The following ABCC3 variants were observed in gnomAD, a reference collection of about 807,000 sequenced individuals.
The protein encoded by ABCC3 is ATP binding cassette subfamily C member 3.
ABCC3 carries 121 observed loss-of-function variants against 165.3 expected under a neutral mutation model. The observed-to-expected ratio is 0.73, with a 90% CI of 0.63 to 0.85. ABCC3 has a LOEUF of 0.85. Ranked by LOEUF, ABCC3 falls within the 40% of genes least tolerant of loss-of-function variation. ABCC3 has a pLI of 0.00. For synonymous variants in ABCC3, 733 were observed against 810.1 expected, an observed-to-expected ratio of 0.90 and a Z score of 1.62; for missense variants, 1,869 against 1,964.1, an observed-to-expected ratio of 0.95 and a Z score of 0.92.
intron 11 of ABCC3, among the ~76,000 whole-genome samples, 198 bp downstream of exon 11, chr17:50,665,443 A>G (rs898557841): frequency 6.6e-6 from 1 of 152,168 alleles, no homozygotes; most frequent in Non-Finnish European, 1.5e-5. Flanking sequence ...TTTGTAGCAG[A>G]AGACCAACGC....
In ABCC3 at chr17:50,669,343, T is replaced by G. The variant is rs755377281; in HGVS notation, c.2065-9T>G. 1 of 1,614,210 alleles carries G rather than the reference T, an allele frequency of 6.2e-7. No homozygotes were observed. Among genetic ancestry groups the G allele is most frequent in the Admixed American group, 1.7e-5 (1 of 60,022 alleles). The stretch of plus-strand genomic sequence containing the variant: ...GGCAAGCCCCGAGGTAAATTTCTCC[T>G]GTGGCCAGGGCTCCGTGGCCTATGT... On this transcript the variant is annotated splice_polypyrimidine_tract_variant and intron_variant, in intron 16 of 30. Transcript: ENST00000285238.
chr17:50,676,504 C>T lies in ABCC3; in HGVS notation c.3294C>T (p.Ile1098=), dbSNP rs1401506823. ...LMLLNSFFNA[I]STLVVIMAST... ...TGCTCAATTCCTTCTTCAACGCCAT[C>T]TCCACTCTTGTGGTCATCATGGCCA... The change falls in exon 23 of 31, where the codon ATC becomes ATT. Residue 1098 remains isoleucine, a synonymous_variant. Coordinates refer to ENST00000285238, the MANE Select transcript of ABCC3 (RefSeq NM_003786.4). 6.2e-7 allele frequency: 1 copy of T among 1,613,574 alleles called. No homozygotes were observed. Among genetic ancestry groups the T allele is most frequent in the African/African-American group, 1.3e-5 (1 of 74,712 alleles).
chr17:50,653,888 T>A (rs1160188442), intron 1 of ABCC3, among the ~76,000 whole-genome samples: 1 of 152,236 alleles, frequency 6.6e-6, no homozygotes, highest in Admixed American at 6.5e-5. Flanking sequence ...ATTTGCTTTA[T>A]CTGGACAGGT....
At chr17:50,674,500 A>G (rs1389170336) in intron 19 of ABCC3, 4 of 152,202 alleles carry the variant, frequency 2.6e-5, no homozygotes, top group Non-Finnish European at 5.9e-5. Flanking sequence ...ACCAAAATTT[A>G]TTGGACAATC....
At chr17:50,668,615 T>G (rs1194632690) in intron 14 of ABCC3, 98 bp downstream of exon 14, 2 of 1,017,556 alleles carry the variant, frequency 2.0e-6, no homozygotes, top group African/African-American at 3.2e-5. Flanking sequence ...CCCCTTTTCT[T>G]CTTCCTCTGT....
Position 50,669,498 on chromosome 17 carries a change from T to C in ABCC3, c.2211T>C (p.Pro737=). ...TGCTAGCTGACCTGGAGATGCTGCC[T>C]GGTGGGGATCAGACAGAGATTGGAG... ...CALLADLEML[P]GGDQTEIGEK... is the part of the protein sequence containing the mutation. The change falls in exon 17 of 31, where the codon CCT becomes CCC. Residue 737 remains proline, a synonymous_variant. Coordinates refer to ENST00000285238, the MANE Select transcript of ABCC3 (RefSeq NM_003786.4). 6.2e-7 allele frequency: 1 copy of C among 1,614,186 alleles called. No individual in the cohort carries two copies. The highest frequency in any genetic ancestry group is 8.5e-7 in the Non-Finnish European group (1 of 1,180,022).
At chr17:50,685,027 G>A in intron 29 of ABCC3, 152 bp downstream of exon 29, 1 of 900,166 alleles carries the variant, frequency 1.1e-6, no homozygotes, top group Non-Finnish European at 1.6e-6. Context: ...CCGTGTGCCA[G>A]GCATGGTGTA....
intron 10 of ABCC3, 40 bp downstream of exon 10, chr17:50,664,151 A>G: frequency 6.2e-7 from 1 of 1,609,696 alleles, no homozygotes; most frequent in Non-Finnish European, 8.5e-7. Context: ...TTCCTCTGAC[A>G]TGCTGCAGAA....
intron 30 of ABCC3, among the ~76,000 whole-genome samples, chr17:50,690,071 G>A (rs889629718): frequency 6.6e-6 from 1 of 152,194 alleles, no homozygotes; most frequent in Non-Finnish European, 1.5e-5. Flanking sequence ...AGGCCTGAAA[G>A]AATGAGTAAG....
intron 1 of ABCC3, among the ~76,000 whole-genome samples, chr17:50,644,333 G>C (rs1483701730): frequency 4.1e-5 from 4 of 97,130 alleles, no homozygotes; most frequent in African/African-American, 1.1e-4. Context: ...AAAAAAAAAA[G>C]GAAGAAGGGA....
rs535983079 is a variant in ABCC3, at chr17:50,639,662, AGTT to A, written c.45+4685_45+4687del. Among the ~76,000 whole-genome samples the A allele has an allele frequency of 3.6e-3, 551 of 151,854 alleles. 5 individuals are homozygous for A. The highest frequency in any genetic ancestry group is 6.3e-3 in the Non-Finnish European group (425 of 67,974). On this transcript the variant is annotated intron_variant, in intron 1 of 30. Transcript: ENST00000285238. ...TGGGCCCCTCCCCTTCCCGAACTGA[AGTT>A]GTTTCTGTTTCTGGTACTGCGGTGC...
At chr17:50,654,723 G>A (rs746392778) in intron 1 of ABCC3, among the ~76,000 whole-genome samples, 6 of 152,146 alleles carry the variant, frequency 3.9e-5, no homozygotes, top group South Asian at 2.1e-4. Flanking sequence ...TCCCTGACCC[G>A]GGAAAGGCCT....
chr17:50,671,390 T>G (rs1317624848), intron 17 of ABCC3, among the ~76,000 whole-genome samples: 1 of 152,208 alleles, frequency 6.6e-6, no homozygotes, highest in African/African-American at 2.4e-5. Context: ...TTGTGCCTAT[T>G]AAGCAACTCC....
chr17:50,664,297 A>G, intron 10 of ABCC3, 186 bp downstream of exon 10: 1 of 689,968 alleles, frequency 1.4e-6, no homozygotes, highest in South Asian at 1.9e-5. Context: ...GCCTGCGAAT[A>G]GCCACCACAC....
At chr17:50,672,234 C>T (rs1217327407) in intron 17 of ABCC3, among the ~76,000 whole-genome samples, 1 of 152,172 alleles carries the variant, frequency 6.6e-6, no homozygotes, top group East Asian at 1.9e-4. Flanking sequence ...TCAACCATAT[C>T]ACCTAGGTAC....
rs748341000 is a variant in ABCC3 at position 50,663,993 on chromosome 17, GGGAAATTGTCAACCTCATGTCAGT to G, written c.1224_1247del (p.Glu408_Val415del). The G allele has an allele frequency of 1.6e-5, 26 of 1,614,062 alleles. No individual in the cohort carries two copies. Among genetic ancestry groups the G allele is most frequent in the Non-Finnish European group, 1.9e-5 (23 of 1,180,034 alleles). ...TCAGTCAAACGTGCGTCCACTGTGGGGGAAATTGTCAACCTCATGTCAGTGGATGCCCAGCGCTTCATGGACCTT... is the reference window on the plus strand; with the variant it reads ...TCAGTCAAACGTGCGTCCACTGTGGGGGATGCCCAGCGCTTCATGGACCTT... On this transcript the variant is annotated inframe_deletion, in exon 10 of 31. Coordinates refer to ENST00000285238, the MANE Select transcript of ABCC3 (RefSeq NM_003786.4).
intron 19 of ABCC3, among the ~76,000 whole-genome samples, chr17:50,673,965 T>TC (rs1967719246): frequency 4.3e-5 from 1 of 23,194 alleles, no homozygotes; most frequent in African/African-American, 2.1e-4. Context: ...TCTTTCTTTC[T>TC]TTCTTTCTTT....
chr17:50,676,895 G>T (rs537609408), intron 23 of ABCC3, among the ~76,000 whole-genome samples: 3 of 149,728 alleles, frequency 2.0e-5, no homozygotes, highest in African/African-American at 7.3e-5. Context: ...TTGGGGGGGG[G>T]GGGACGGAAT....
rs1967564084 is a variant in ABCC3 at position 50,668,024 on chromosome 17, G to A, written c.1782+15G>A. On this transcript the variant is annotated intron_variant, in intron 13 of 30. Coordinates refer to ENST00000285238, the MANE Select transcript of ABCC3 (RefSeq NM_003786.4). ...ACCTGACTCAGGTAACCCTGGGTAG[G>A]GCTGGGGGCTCTACTGGAGTTGGAA... The A allele has an allele frequency of 6.2e-7, 1 of 1,609,046 alleles. No individual in the cohort carries two copies. The highest frequency in any genetic ancestry group is 1.7e-5 in the Admixed American group (1 of 59,966).
Sources: gnomAD v4.1 joint callset for allele counts (sites outside exome capture counted in the v4.1 genomes callset) on GRCh38, gnomAD v4.1.1 for gene constraint, MANE v1.5 for transcripts, NCBI Gene and HGNC (gene_info 2026-07-23, HGNC 2026-07-21) for gene names.